MGAT5: variants seen among roughly 807,000 people sequenced by gnomAD.
MGAT5 encodes the protein alpha-1,6-mannosylglycoprotein 6-beta-N-acetylglucosaminyltransferase A.
A neutral mutation model predicts 94.3 loss-of-function variants in MGAT5; 30 were observed. The ratio of observed to expected loss-of-function variants is 0.32; its 90% confidence interval spans 0.24 to 0.43. MGAT5 has a LOEUF of 0.43. Ranked by LOEUF, MGAT5 falls within the 20% of genes least tolerant of loss-of-function variation. The pLI, the probability that MGAT5 is intolerant of heterozygous loss-of-function variation, is 1.00. For synonymous variants in MGAT5, 310 were observed against 322.9 expected, an observed-to-expected ratio of 0.96 and a Z score of 0.43; for missense variants, 691 against 905.5, an observed-to-expected ratio of 0.76 and a Z score of 3.04.
intron 1 of MGAT5, among the ~76,000 whole-genome samples, chr2:134,228,206 G>A (rs368017740): frequency 2.0e-5 from 3 of 152,218 alleles, no homozygotes; most frequent in East Asian, 1.9e-4. Flanking sequence ...TGTTTAGGAA[G>A]GTAGAAAAGA....
At chr2:134,143,767 T>G (rs535801066) in intron 1 of MGAT5, among the ~76,000 whole-genome samples, 13 of 152,306 alleles carry the variant, frequency 8.5e-5, no homozygotes, top group African/African-American at 2.9e-4. Flanking sequence ...GTAACAATGT[T>G]TATGTGGTTA....
chr2:134,273,883 T>G (rs1359929654), intron 2 of MGAT5, among the ~76,000 whole-genome samples: 1 of 152,188 alleles, frequency 6.6e-6, no homozygotes, highest in East Asian at 1.9e-4. Flanking sequence ...AAGCAGATTT[T>G]TAAAATCCCC....
rs1553458949 is a variant in MGAT5 at position 134,387,301 on chromosome 2, G to GAT, written c.1381-15656_1381-15655dup. Among the ~76,000 whole-genome samples, 302 of 42,566 alleles carry GAT rather than the reference G, an allele frequency of 7.1e-3. 11 individuals are homozygous for GAT. The highest frequency in any genetic ancestry group is 0.027 in the Middle Eastern group (2 of 74). 27.9% of individuals were successfully genotyped at this position (42,566 alleles called of 152,430 possible). On this transcript the variant is annotated intron_variant, in intron 10 of 15. Transcript: ENST00000281923. ...AAATAAAAAATAAAAAGTTATGTAT[G>GAT]ATATATATATATATATATATATATA...
intron 2 of MGAT5, among the ~76,000 whole-genome samples, chr2:134,283,673 T>C (rs996894761): frequency 4.1e-5 from 5 of 122,734 alleles, no homozygotes; most frequent in Admixed American, 8.7e-5. Context: ...TTTTTTTTTT[T>C]ACAGAAACTC....
intron 1 of MGAT5, among the ~76,000 whole-genome samples, chr2:134,255,686 A>G (rs1008130171): frequency 1.3e-5 from 2 of 148,266 alleles, no homozygotes; most frequent in African/African-American, 2.5e-5. Context: ...CAGTGGTCTC[A>G]CTGAAGTGGT....
chr2:134,173,706 C>T (rs1396610030), intron 1 of MGAT5, among the ~76,000 whole-genome samples: 1 of 152,228 alleles, frequency 6.6e-6, no homozygotes, highest in East Asian at 1.9e-4. Flanking sequence ...GTCTGTCAGC[C>T]TCCTCCAGAG....
chr2:134,152,899 C>CTT (rs35135371), intron 1 of MGAT5, among the ~76,000 whole-genome samples: 2,035 of 117,102 alleles, frequency 0.017, 92 homozygotes, highest in African/African-American at 0.05. Context: ...ATGGAGTCCA[C>CTT]TTTTTTTTTT....
At chr2:134,424,640 C>G (rs757559028) in intron 13 of MGAT5, among the ~76,000 whole-genome samples, 15 of 152,204 alleles carry the variant, frequency 9.9e-5, no homozygotes, top group Admixed American at 7.2e-4. Flanking sequence ...CTTCCTAGGG[C>G]TGCCGTAACA....
intron 1 of MGAT5, among the ~76,000 whole-genome samples, chr2:134,227,706 G>A (rs533567334): frequency 5.3e-5 from 8 of 152,160 alleles, no homozygotes; most frequent in Non-Finnish European, 1.0e-4. Context: ...GTTTACTCTA[G>A]GATCCTCTTC....
chr2:134,433,778 T>G (rs1574090807), intron 14 of MGAT5, among the ~76,000 whole-genome samples: 1 of 151,746 alleles, frequency 6.6e-6, no homozygotes, highest in Non-Finnish European at 1.5e-5. Context: ...ATCCCTCAAA[T>G]AGCTGACCGA....
chr2:134,349,733 G>A, intron 8 of MGAT5, 72 bp from the exon 9 acceptor site: 2 of 1,540,492 alleles, frequency 1.3e-6, no homozygotes, highest in South Asian at 2.3e-5. Flanking sequence ...CTTGAAGGAA[G>A]GGTTAGAGCT....
At chr2:134,121,732 C>T (rs1685601484) in intron 1 of MGAT5, among the ~76,000 whole-genome samples, 1 of 152,154 alleles carries the variant, frequency 6.6e-6, no homozygotes, top group African/African-American at 2.4e-5. Flanking sequence ...CATACCCAGA[C>T]CAAAGTGTTA....
chr2:134,322,940 A>G (rs920311167), intron 4 of MGAT5, among the ~76,000 whole-genome samples: 2 of 152,150 alleles, frequency 1.3e-5, no homozygotes, highest in Admixed American at 1.3e-4. Flanking sequence ...GTTTAACATC[A>G]GAGCTTTAAC....
intron 2 of MGAT5, among the ~76,000 whole-genome samples, chr2:134,298,888 T>G (rs1010177635): frequency 6.5e-4 from 99 of 152,272 alleles, no homozygotes; most frequent in African/African-American, 2.3e-3. Flanking sequence ...AATTTAAGAC[T>G]GTACCTTCCC....
intron 1 of MGAT5, among the ~76,000 whole-genome samples, chr2:134,130,204 CCCGCCCCACA>C (rs572491610): frequency 0.16 from 9,710 of 60,360 alleles, 855 homozygotes; most frequent in Middle Eastern, 0.25. Flanking sequence ...TGGAGCCCGC[CCCGCCCCACA>C]CCGCCCCACA....
chr2:134,155,507 G>T (rs535639271), intron 1 of MGAT5, among the ~76,000 whole-genome samples: 1 of 152,348 alleles, frequency 6.6e-6, no homozygotes, highest in South Asian at 2.1e-4. Context: ...GAATCTACTT[G>T]TTGGAATGTT....
intron 1 of MGAT5, among the ~76,000 whole-genome samples, chr2:134,239,085 G>T (rs751946774): frequency 1.3e-5 from 2 of 152,178 alleles, no homozygotes; most frequent in Non-Finnish European, 2.9e-5. Flanking sequence ...TGCAACGTCT[G>T]ACTCTCAGCT....
At chr2:134,133,095 G>A (rs1327368456) in intron 1 of MGAT5, among the ~76,000 whole-genome samples, 1 of 152,114 alleles carries the variant, frequency 6.6e-6, no homozygotes, top group Non-Finnish European at 1.5e-5. Context: ...TGATATAATG[G>A]AGTCCATTAG....
intron 1 of MGAT5, among the ~76,000 whole-genome samples, chr2:134,241,020 A>G (rs1418377805): frequency 6.6e-6 from 1 of 152,196 alleles, no homozygotes; most frequent in Non-Finnish European, 1.5e-5. Context: ...AAGCTAGACA[A>G]AAATTAAAAT....
Sources: allele counts gnomAD v4.1 joint callset (sites outside exome capture counted in the v4.1 genomes callset), GRCh38; gene constraint gnomAD v4.1.1; transcripts MANE v1.5; gene names NCBI Gene and HGNC (gene_info 2026-07-23, HGNC 2026-07-21).